Variants in DPP6 observed in about 807,000 individuals in gnomAD.
DPP6 encodes the protein dipeptidyl peptidase like 6.
A neutral mutation model predicts 122.6 loss-of-function variants in DPP6; 69 were observed. That is an observed-to-expected ratio of 0.56 (90% confidence interval 0.46 to 0.69). The LOEUF (loss-of-function observed/expected upper bound fraction) is 0.69, where lower values mean the gene tolerates loss of function less well. Ranked by LOEUF, DPP6 falls within the 30% of genes least tolerant of loss-of-function variation. The probability of loss-of-function intolerance (pLI) is 0.00; values close to 1 mark genes in which losing one functional copy is unlikely to be tolerated. For synonymous variants in DPP6, 418 were observed against 433.1 expected (o/e 0.97, Z 0.43); for missense variants, 928 against 1,116.9 (o/e 0.83, Z 2.41).
chr7:153,824,581 G>A, the DPP6 span, among the ~76,000 whole-genome samples: 1 of 151,842 alleles, frequency 6.6e-6, no homozygotes, highest in African/African-American at 2.4e-5. Flanking sequence ...CCACTCGGGA[G>A]GCTAAGGTAG....
At chr7:154,362,831 C>A (rs1811843280) in intron 1 of DPP6, among the ~76,000 whole-genome samples, 1 of 152,206 alleles carries the variant, frequency 6.6e-6, no homozygotes, top group Non-Finnish European at 1.5e-5. Flanking sequence ...GCCACCTGGG[C>A]TGGAGGCCTG....
chr7:154,631,347 G>A (rs184003293), intron 5 of DPP6, among the ~76,000 whole-genome samples: 67 of 152,328 alleles, frequency 4.4e-4, no homozygotes, highest in Middle Eastern at 3.4e-3. Flanking sequence ...TTCATCACGT[G>A]CTGCAGGCTG....
At chr7:154,153,163 C>T (rs1315599803) in intron 1 of DPP6, among the ~76,000 whole-genome samples, 5 of 152,194 alleles carry the variant, frequency 3.3e-5, no homozygotes, top group African/African-American at 1.2e-4. Context: ...AACTCCCTGC[C>T]GCTTATACAA....
rs547045851 is a variant in DPP6 at position 154,002,783 on chromosome 7, G to T, written c.51+115049G>T. On this transcript the variant is annotated intron_variant, in intron 1 of 25. Transcript: ENST00000404039. ...ATCTCTGCTTAGAGCCTGAGTGACT[G>T]CTTGAGAAGGTAGGCCCAAGCCCAG... Among the ~76,000 whole-genome samples the T allele has an allele frequency of 1.4e-4, 22 of 152,292 alleles. No homozygotes were observed. The East Asian group carries it at 4.3e-3, about 30-fold the overall frequency.
chr7:154,575,442 G>GTGTGTGTATGTGTGTGGTA (rs1554590152), intron 5 of DPP6, among the ~76,000 whole-genome samples: 1 of 104,710 alleles, frequency 9.6e-6, no homozygotes, highest in Non-Finnish European at 1.8e-5. Flanking sequence ...TATGTGTGTG[G>GTGTGTGTATGTGTGTGGTA]TGTGTGTATG....
At chr7:154,116,517 A>T (rs950903216) in intron 1 of DPP6, among the ~76,000 whole-genome samples, 2 of 152,340 alleles carry the variant, frequency 1.3e-5, no homozygotes, top group African/African-American at 4.8e-5. Flanking sequence ...ACAAGCAAAC[A>T]GTTTACTTTC....
chr7:153,895,580 C>G (rs1799373669), intron 1 of DPP6, among the ~76,000 whole-genome samples: 1 of 151,916 alleles, frequency 6.6e-6, no homozygotes, highest in African/African-American at 2.4e-5. Context: ...AGCAAGCATG[C>G]CACTGTATAC....
chr7:154,349,757 T>A (rs1810697168), intron 1 of DPP6, among the ~76,000 whole-genome samples: 1 of 152,220 alleles, frequency 6.6e-6, no homozygotes, highest in East Asian at 1.9e-4. Context: ...CTTCTATGGC[T>A]TTAATACTTC....
chr7:154,202,540 C>T (rs535158413), intron 1 of DPP6, among the ~76,000 whole-genome samples: 2 of 152,310 alleles, frequency 1.3e-5, no homozygotes, highest in South Asian at 4.1e-4. Flanking sequence ...TAGTTTCCCC[C>T]AAACCGGACG....
chr7:154,453,452 A>G (rs1269012845), intron 2 of DPP6, among the ~76,000 whole-genome samples: 1 of 151,990 alleles, frequency 6.6e-6, no homozygotes, highest in African/African-American at 2.4e-5. Flanking sequence ...CCCTCACCTT[A>G]TCTTTTTAAA....
chr7:153,872,875 A>T, the DPP6 span, among the ~76,000 whole-genome samples: 17 of 152,360 alleles, frequency 1.1e-4, 1 homozygote, highest in Admixed American at 9.8e-4. Context: ...CTATGTATAG[A>T]ATAACCAACT....
At chr7:154,617,552 C>T (rs1487999930) in intron 5 of DPP6, among the ~76,000 whole-genome samples, 4 of 152,200 alleles carry the variant, frequency 2.6e-5, no homozygotes, top group African/African-American at 9.6e-5. Context: ...TTCTCTCTGA[C>T]AATTGTGATA....
intron 3 of DPP6, among the ~76,000 whole-genome samples, chr7:154,512,749 T>C (rs1826189265): frequency 6.6e-6 from 1 of 152,208 alleles, no homozygotes; most frequent in Non-Finnish European, 1.5e-5. Context: ...GAAGGATGAC[T>C]TCATGCTGGA....
chr7:154,039,713 AT>A (rs1336941136), intron 1 of DPP6, among the ~76,000 whole-genome samples: 1 of 38,964 alleles, frequency 2.6e-5, no homozygotes, highest in Non-Finnish European at 4.7e-5. Context: ...AATTAGTTTC[AT>A]TTTCTGCCCT....
chr7:153,767,393 G>A, the DPP6 span, among the ~76,000 whole-genome samples: 1 of 152,022 alleles, frequency 6.6e-6, no homozygotes, highest in African/African-American at 2.4e-5. Flanking sequence ...GTTGTTGTTG[G>A]ATTCACTCTT....
chr7:154,663,833 C>A (rs1439974898), intron 6 of DPP6, among the ~76,000 whole-genome samples: 1 of 113,192 alleles, frequency 8.8e-6, no homozygotes, highest in African/African-American at 2.8e-5. Flanking sequence ...GCGTATTGGG[C>A]GTAGTATTCA....
intron 1 of DPP6, among the ~76,000 whole-genome samples, chr7:154,022,817 G>A (rs1585190153): frequency 1.3e-5 from 2 of 152,216 alleles, no homozygotes; most frequent in African/African-American, 4.8e-5. Context: ...AGAAATCTTA[G>A]TGCAGATTGT....
chr7:154,753,915 C>G lies in DPP6; in HGVS notation c.884-15502C>G, dbSNP rs73498069. On this transcript the variant is annotated intron_variant, in intron 8 of 25. Transcript: ENST00000377770. ...AGCTGCTTCCTGGGGTCAGGACACACCTGCACAAGTTGAAAGGCCGGCTCT... is the reference window on the plus strand; with the variant it reads ...AGCTGCTTCCTGGGGTCAGGACACAGCTGCACAAGTTGAAAGGCCGGCTCT... Among the ~76,000 whole-genome samples, 700 of 152,292 alleles carry G rather than the reference C, an allele frequency of 4.6e-3. 2 individuals carry two copies. Among genetic ancestry groups the G allele is most frequent in the Middle Eastern group, 0.02 (6 of 294 alleles).
the DPP6 span, among the ~76,000 whole-genome samples, chr7:153,852,811 A>C: frequency 1.3e-5 from 2 of 152,310 alleles, no homozygotes; most frequent in East Asian, 3.9e-4. Flanking sequence ...GCTCAATCGC[A>C]TTGCACTTTT....
Sources: gnomAD v4.1 joint callset for allele counts (sites outside exome capture counted in the v4.1 genomes callset) on GRCh38, gnomAD v4.1.1 for gene constraint, MANE v1.5 for transcripts, NCBI Gene and HGNC (gene_info 2026-07-23, HGNC 2026-07-21) for gene names.